Variants in ZFAND3 observed in about 807,000 individuals in gnomAD.
ZFAND3 encodes the protein zinc finger AN1-type containing 3.
ZFAND3 carries 10 observed loss-of-function variants against 29.6 expected under a neutral mutation model. The ratio of observed to expected loss-of-function variants is 0.34; its 90% CI spans 0.21 to 0.57. ZFAND3 has a LOEUF of 0.57. Ranked by LOEUF, ZFAND3 falls within the 20% of genes least tolerant of loss-of-function variation. The probability of loss-of-function intolerance (pLI) is 0.86; values close to 1 mark genes in which losing one functional copy is unlikely to be tolerated. For missense variants in ZFAND3, 230 were observed against 304.5 expected (o/e 0.76, Z 1.82); for synonymous variants, 128 against 112.6 (o/e 1.14, Z -0.87).
chr6:38,027,896 A>C (rs188457483), intron 2 of ZFAND3, among the ~76,000 whole-genome samples: 2 of 152,238 alleles, frequency 1.3e-5, no homozygotes, highest in Non-Finnish European at 2.9e-5. Flanking sequence ...CTGCCCTGCT[A>C]TGGAGCCTTT....
chr6:38,049,054 C>T (rs901172315), intron 2 of ZFAND3, among the ~76,000 whole-genome samples: 3 of 152,162 alleles, frequency 2.0e-5, no homozygotes, highest in Admixed American at 2.0e-4. Flanking sequence ...GTGAGACTTA[C>T]ACTTGCCAGT....
Position 38,120,358 on chromosome 6 carries a change from C to T in ZFAND3, c.529+3619C>T, listed in dbSNP as rs142391904. Among the ~76,000 whole-genome samples the T allele has an allele frequency of 0.026, 2,112 of 81,112 alleles. 225 individuals are homozygous for T. In the East Asian group the frequency reaches 0.37, roughly 14 times the overall value. 53.2% of individuals were successfully genotyped at this position (81,112 alleles called of 152,430 possible). On this transcript the variant is annotated intron_variant, in intron 5 of 5. Transcript: ENST00000287218. ...TTTTTTTTTTTTTTTTTTGTGGAGA[C>T]GGAGTCGCCCAGGCTGGAGTGCAGT...
chr6:38,137,591 T>C (rs1418318449), intron 5 of ZFAND3, among the ~76,000 whole-genome samples: 1 of 152,090 alleles, frequency 6.6e-6, no homozygotes, highest in African/African-American at 2.4e-5. Flanking sequence ...AGGGGAGAGA[T>C]GCAGTAAGCA....
chr6:38,061,705 G>C lies in ZFAND3; in HGVS notation c.225G>C (p.Thr75=). Residue 75 remains threonine (T), a synonymous_variant, in exon 3 of 6, where the codon ACG becomes ACC. Coordinates refer to ENST00000287218, the MANE Select transcript of ZFAND3 (RefSeq NM_021943.3). ...TSDNNNTSIT[T]PTLSPSQQPL... ...ACAACAACAATACCTCGATAACCACGCCAACTCTTAGTCCCAGCCAGCAGC... is the reference window on the plus strand; with the variant it reads ...ACAACAACAATACCTCGATAACCACCCCAACTCTTAGTCCCAGCCAGCAGC... 1 of 1,614,086 alleles carries C rather than the reference G, an allele frequency of 6.2e-7. No homozygotes were observed.
At chr6:37,877,167 T>C (rs1764809588) in intron 1 of ZFAND3, among the ~76,000 whole-genome samples, 1 of 152,250 alleles carries the variant, frequency 6.6e-6, no homozygotes, top group Non-Finnish European at 1.5e-5. Context: ...ATTTATTGTT[T>C]ATCCTGATTA....
intron 3 of ZFAND3, among the ~76,000 whole-genome samples, chr6:38,075,474 A>G (rs1764534013): frequency 6.6e-6 from 1 of 152,204 alleles, no homozygotes. Flanking sequence ...TTGCAATCTC[A>G]TTATAAAACT....
rs1766272404 is a variant in ZFAND3 at position 38,153,223 on chromosome 6, G to A, written c.*834G>A. The A allele has an allele frequency of 1.0e-6, 1 of 985,506 alleles. No homozygotes were observed. The highest frequency in any genetic ancestry group is 1.2e-6 in the Non-Finnish European group (1 of 829,954). The allele number at this position is 985,506 out of a possible 1,614,324, so 61.0% of individuals were successfully genotyped here. The stretch of plus-strand genomic sequence containing the variant: ...CGAATGGCAGCACAGCGCGGTGGCT[G>A]GGTCTGCACACTGGCCTCTGCAGCC... On this transcript the variant is annotated 3_prime_UTR_variant, in exon 6 of 6. Coordinates refer to ENST00000287218, the MANE Select transcript of ZFAND3 (RefSeq NM_021943.3).
chr6:38,122,300 C>T (rs368090389), intron 5 of ZFAND3, among the ~76,000 whole-genome samples: 2 of 152,232 alleles, frequency 1.3e-5, no homozygotes, highest in Middle Eastern at 3.4e-3. Context: ...ATACCTAATA[C>T]AATGTAAATG....
chr6:37,896,514 T>TTTTCTTTGTTTC (rs71542145), intron 1 of ZFAND3, among the ~76,000 whole-genome samples: 2 of 109,100 alleles, frequency 1.8e-5, no homozygotes, highest in Non-Finnish European at 3.7e-5. Context: ...TTCCTCTTTC[T>TTTTCTTTGTTTC]TTTCTTTCTT....
intron 2 of ZFAND3, among the ~76,000 whole-genome samples, chr6:38,045,101 T>TATTGATTG (rs1554169433): frequency 3.4e-5 from 5 of 146,180 alleles, no homozygotes; most frequent in African/African-American, 1.3e-4. Flanking sequence ...TTTATTTATT[T>TATTGATTG]ATTGAGATGG....
intron 1 of ZFAND3, among the ~76,000 whole-genome samples, chr6:37,909,837 T>G (rs1275210851): frequency 1.3e-5 from 2 of 152,128 alleles, no homozygotes; most frequent in Non-Finnish European, 2.9e-5. Flanking sequence ...GTGAAGCTCT[T>G]TGCTCTATCA....
At chr6:37,878,576 T>C (rs114024958) in intron 1 of ZFAND3, among the ~76,000 whole-genome samples, 3,633 of 152,274 alleles carry the variant, frequency 0.024, 163 homozygotes, top group African/African-American at 0.081. Context: ...AGCAGCACCC[T>C]GGGGCTGAGC....
intron 1 of ZFAND3, among the ~76,000 whole-genome samples, chr6:37,905,627 G>A (rs187684391): frequency 2.9e-4 from 44 of 152,218 alleles, no homozygotes; most frequent in Admixed American, 9.8e-4. Context: ...TTTTTAAAAT[G>A]TGGCATATTC....
chr6:38,080,781 T>C (rs1764646536), intron 3 of ZFAND3, among the ~76,000 whole-genome samples: 1 of 152,146 alleles, frequency 6.6e-6, no homozygotes, highest in Non-Finnish European at 1.5e-5. Context: ...CAGGAGGGTT[T>C]TTGAGGATGT....
At chr6:37,876,421 C>T (rs911817371) in intron 1 of ZFAND3, among the ~76,000 whole-genome samples, 2 of 152,252 alleles carry the variant, frequency 1.3e-5, no homozygotes, top group East Asian at 1.9e-4. Flanking sequence ...GTCAGCATTA[C>T]GGCAAAGCAG....
intron 1 of ZFAND3, among the ~76,000 whole-genome samples, chr6:37,901,321 C>G (rs772760453): frequency 1.4e-4 from 21 of 152,156 alleles, no homozygotes; most frequent in Non-Finnish European, 2.5e-4. Flanking sequence ...TCCAGAAAAA[C>G]CTTTTACTGT....
At chr6:37,877,027 G>A (rs1764806192) in intron 1 of ZFAND3, among the ~76,000 whole-genome samples, 1 of 152,104 alleles carries the variant, frequency 6.6e-6, no homozygotes. Context: ...TTTAATCTTT[G>A]TGTATTTATG....
chr6:37,984,861 CTT>C (rs1222965557), intron 2 of ZFAND3, among the ~76,000 whole-genome samples: 5 of 152,160 alleles, frequency 3.3e-5, no homozygotes, highest in Non-Finnish European at 7.3e-5. Flanking sequence ...AAGCCTAGGA[CTT>C]AGTCTGTTAA....
intron 1 of ZFAND3, among the ~76,000 whole-genome samples, chr6:37,829,603 T>TG (rs1020337880): frequency 6.6e-6 from 1 of 152,204 alleles, no homozygotes; most frequent in Admixed American, 6.5e-5. Flanking sequence ...CAAAAATACT[T>TG]GCATGTAGAA....
Sources: allele counts gnomAD v4.1 joint callset (sites outside exome capture counted in the v4.1 genomes callset), GRCh38; gene constraint gnomAD v4.1.1; transcripts MANE v1.5; gene names NCBI Gene and HGNC (gene_info 2026-07-23, HGNC 2026-07-21).